KCNMB2: variants seen among roughly 807,000 people sequenced by gnomAD.
The protein encoded by KCNMB2 is potassium calcium-activated channel subfamily M regulatory beta subunit 2.
KCNMB2 carries 9 observed loss-of-function variants against 24.5 expected under a neutral mutation model. The ratio of observed to expected loss-of-function variants is 0.37; its 90% CI spans 0.22 to 0.64. KCNMB2 has a LOEUF of 0.64. Ranked by LOEUF, KCNMB2 falls within the 30% of genes least tolerant of loss-of-function variation. The pLI is 0.63. For synonymous variants in KCNMB2, 109 were observed against 104.4 expected (o/e 1.04, Z -0.27); for missense variants, 226 against 284.3 (o/e 0.79, Z 1.47).
intron 1 of KCNMB2, among the ~76,000 whole-genome samples, chr3:178,675,300 C>A (rs1305235347): frequency 3.3e-5 from 5 of 152,182 alleles, no homozygotes. Context: ...TCAGCCAAGA[C>A]TTGCAGAACT....
rs1179869572 is a variant in KCNMB2, at chr3:178,828,925, C to CTGTGAGTG, written c.423+556_423+557insAGTGTGTG. 1.3e-3 allele frequency among the ~76,000 whole-genome samples: 182 copies of CTGTGAGTG among 142,838 alleles called. 2 individuals are homozygous for CTGTGAGTG. Among genetic ancestry groups the CTGTGAGTG allele is most frequent in the Middle Eastern group, 0.011 (3 of 282 alleles). 93.7% of individuals were successfully genotyped at this position (142,838 alleles called of 152,430 possible). A position where few individuals can be genotyped will look rare whatever the true frequency, so the allele number is the denominator to read the frequency against. On this transcript the variant is annotated intron_variant, in intron 4 of 4. Coordinates refer to ENST00000452583, the MANE Select transcript of KCNMB2 (RefSeq NM_181361.3). The stretch of plus-strand genomic sequence containing the variant: ...GCATGCTACTTTCAACCCATGGTCA[C>CTGTGAGTG]TGTGTGTGTGTGTGTGTGTGTGTGT...
intron 1 of KCNMB2, among the ~76,000 whole-genome samples, chr3:178,560,266 C>G (rs996754713): frequency 1.3e-5 from 2 of 151,926 alleles, no homozygotes; most frequent in African/African-American, 4.8e-5. Context: ...TTAGCAACAA[C>G]AGAGTGAGTT....
At chr3:178,657,356 T>C (rs1164213241) in intron 1 of KCNMB2, among the ~76,000 whole-genome samples, 1 of 152,244 alleles carries the variant, frequency 6.6e-6, no homozygotes, top group African/African-American at 2.4e-5. Flanking sequence ...TTGAGAGCTC[T>C]TGCTCTCAGC....
chr3:178,606,197 A>G (rs1230378548), intron 1 of KCNMB2, among the ~76,000 whole-genome samples: 1 of 152,194 alleles, frequency 6.6e-6, no homozygotes, highest in African/African-American at 2.4e-5. Context: ...AATGTGCACT[A>G]TTGAAGACAA....
At chr3:178,831,957 T>G (rs1017690361) in intron 4 of KCNMB2, among the ~76,000 whole-genome samples, 2 of 152,214 alleles carry the variant, frequency 1.3e-5, no homozygotes, top group African/African-American at 2.4e-5. Flanking sequence ...ACTTTTTTAT[T>G]CTTTTCCCAA....
intron 1 of KCNMB2, among the ~76,000 whole-genome samples, chr3:178,752,283 A>G (rs2108390514): frequency 6.6e-6 from 1 of 152,376 alleles, no homozygotes; most frequent in African/African-American, 2.4e-5. Flanking sequence ...GGATAATCAG[A>G]AAATGACATT....
intron 1 of KCNMB2, among the ~76,000 whole-genome samples, chr3:178,579,294 A>T (rs1253220649): frequency 3.9e-5 from 6 of 152,208 alleles, no homozygotes; most frequent in Non-Finnish European, 8.8e-5. Flanking sequence ...AAATTATGGC[A>T]AAAATAAGTA....
At chr3:178,644,768 T>TG (rs1186915927) in intron 1 of KCNMB2, among the ~76,000 whole-genome samples, 2 of 152,326 alleles carry the variant, frequency 1.3e-5, no homozygotes, top group South Asian at 2.1e-4. Flanking sequence ...ATAGCGAACT[T>TG]GGAGTCACAC....
intron 1 of KCNMB2, among the ~76,000 whole-genome samples, chr3:178,673,451 GA>G (rs1479420943): frequency 6.6e-6 from 1 of 150,946 alleles, no homozygotes; most frequent in Non-Finnish European, 1.5e-5. Context: ...TTATTTTACT[GA>G]AAAAAAATAG....
At chr3:178,648,026 A>G (rs1719979966) in intron 1 of KCNMB2, among the ~76,000 whole-genome samples, 1 of 152,074 alleles carries the variant, frequency 6.6e-6, no homozygotes, top group South Asian at 2.1e-4. Context: ...AGTGCACAAC[A>G]CTGAATTAAT....
chr3:178,657,486 A>G (rs1720386494), intron 1 of KCNMB2, among the ~76,000 whole-genome samples: 1 of 152,172 alleles, frequency 6.6e-6, no homozygotes, highest in South Asian at 2.1e-4. Flanking sequence ...TAAAATAAGG[A>G]TAGTTACACC....
At chr3:178,634,244 G>A (rs968389049) in intron 1 of KCNMB2, among the ~76,000 whole-genome samples, 1 of 151,986 alleles carries the variant, frequency 6.6e-6, no homozygotes, top group African/African-American at 2.4e-5. Flanking sequence ...CACATTTTTG[G>A]GTATCTTTAC....
intron 1 of KCNMB2, among the ~76,000 whole-genome samples, chr3:178,771,006 A>G (rs185407757): frequency 3.6e-4 from 55 of 152,322 alleles, no homozygotes; most frequent in African/African-American, 1.3e-3. Flanking sequence ...AAACAATTGC[A>G]CAAAATCTAG....
intron 2 of KCNMB2, chr3:178,820,729 A>T (rs184367092): frequency 4.6e-5 from 7 of 152,720 alleles, no homozygotes; most frequent in Middle Eastern, 6.8e-3. Flanking sequence ...TTGGCGTAAA[A>T]TTGATTGAAG....
intron 1 of KCNMB2, among the ~76,000 whole-genome samples, chr3:178,671,514 G>A (rs951629079): frequency 6.6e-6 from 1 of 152,106 alleles, no homozygotes; most frequent in Non-Finnish European, 1.5e-5. Flanking sequence ...CATTATCTCA[G>A]CCCCCAGTGT....
intron 1 of KCNMB2, among the ~76,000 whole-genome samples, chr3:178,721,701 G>T (rs1722812923): frequency 6.6e-6 from 1 of 152,160 alleles, no homozygotes; most frequent in Non-Finnish European, 1.5e-5. Flanking sequence ...CAATGCAAAA[G>T]AGTTCCAGGT....
intron 1 of KCNMB2, among the ~76,000 whole-genome samples, chr3:178,663,285 A>G (rs1192071317): frequency 6.6e-6 from 1 of 152,150 alleles, no homozygotes; most frequent in Non-Finnish European, 1.5e-5. Flanking sequence ...ACAAGGGTAT[A>G]CATACAATAG....
At chr3:178,754,879 TG>T (rs1254494188) in intron 1 of KCNMB2, among the ~76,000 whole-genome samples, 1 of 152,200 alleles carries the variant, frequency 6.6e-6, no homozygotes, top group Non-Finnish European at 1.5e-5. Context: ...GCCCTCATTC[TG>T]GGTTATGGGC....
At chr3:178,620,681 AC>A (rs759600283) in intron 1 of KCNMB2, among the ~76,000 whole-genome samples, 4 of 152,226 alleles carry the variant, frequency 2.6e-5, no homozygotes, top group Non-Finnish European at 5.9e-5. Context: ...TAGGATTTCA[AC>A]ATAATGTATT....
Sources: gnomAD v4.1 joint callset for allele counts (sites outside exome capture counted in the v4.1 genomes callset) on GRCh38, gnomAD v4.1.1 for gene constraint, MANE v1.5 for transcripts, NCBI Gene and HGNC (gene_info 2026-07-23, HGNC 2026-07-21) for gene names.